Variants in ACBD6 observed in about 807,000 individuals in gnomAD.
ACBD6 encodes acyl-CoA binding domain containing 6.
In ACBD6, 28 loss-of-function variants were observed where a neutral mutation model predicts 37.2. That is an observed-to-expected ratio of 0.75 (90% CI 0.56 to 1.03). The LOEUF is 1.03. ACBD6 is among the 50% of genes least tolerant of loss of function. ACBD6 has a pLI of 0.00. For missense variants in ACBD6, 340 were observed against 337.4 expected, an observed-to-expected ratio of 1.01 and a Z score of -0.06; for synonymous variants, 113 against 126.8, an observed-to-expected ratio of 0.89 and a Z score of 0.73.
Position 180,490,446 on chromosome 1 carries a change from C to T in ACBD6, c.384+1823G>A, listed in dbSNP as rs181600510. Among the ~76,000 whole-genome samples, 291 of 150,022 alleles carry T rather than the reference C, an allele frequency of 1.9e-3. 2 individuals are homozygous for T. Among genetic ancestry groups the T allele is most frequent in the African/African-American group, 6.9e-3 (282 of 40,760 alleles). Reference sequence around the variant, plus strand: ...TCACATGAGATCAGGAGTTCAAGATCAGCCTGGCCAACATGGCAAAACCCT... The same window carrying T: ...TCACATGAGATCAGGAGTTCAAGATTAGCCTGGCCAACATGGCAAAACCCT... On this transcript the variant is annotated intron_variant, in intron 3 of 7. Transcript: ENST00000367595.
intron 1 of ACBD6, among the ~76,000 whole-genome samples, chr1:180,499,982 T>C (rs1015473373): frequency 3.3e-5 from 5 of 152,022 alleles, no homozygotes; most frequent in African/African-American, 1.2e-4. Flanking sequence ...GCATGCGGGA[T>C]CATGTCTGTA....
At chr1:180,421,760 C>A (rs1243804282) in intron 4 of ACBD6, among the ~76,000 whole-genome samples, 1 of 152,020 alleles carries the variant, frequency 6.6e-6, no homozygotes, top group South Asian at 2.1e-4. Flanking sequence ...ATTTCTCCAA[C>A]GATCAGTGAT....
chr1:180,395,759 T>TA (rs1654238092), intron 6 of ACBD6, among the ~76,000 whole-genome samples: 2 of 152,108 alleles, frequency 1.3e-5, no homozygotes, highest in African/African-American at 4.8e-5. Context: ...CTCAAAAAAT[T>TA]AAACGTAGAA....
At chr1:180,431,595 A>G (rs1018479657) in intron 3 of ACBD6, among the ~76,000 whole-genome samples, 7 of 152,218 alleles carry the variant, frequency 4.6e-5, no homozygotes, top group Non-Finnish European at 8.8e-5. Context: ...TAATAGATTT[A>G]CCAGTATGTA....
Position 180,492,485 on chromosome 1 carries a change from C to T in ACBD6, c.288-120G>A. ...GGTCTCTGAATATAGAGATAATAAG[C>T]TATGGATAGAGAAGCTCTGTCTTTT... On this transcript the variant is annotated intron_variant, in intron 2 of 7. Transcript: ENST00000367595. The T allele has an allele frequency of 7.6e-6, 6 of 789,262 alleles. No homozygotes were observed. The Admixed American group carries it at 8.2e-5, about 11-fold the overall frequency. The allele number at this position is 789,262 out of a possible 1,614,324, so 48.9% of individuals were successfully genotyped here.
chr1:180,384,324 C>T (rs1288731600), intron 6 of ACBD6, among the ~76,000 whole-genome samples: 1 of 151,726 alleles, frequency 6.6e-6, no homozygotes, highest in African/African-American at 2.4e-5. Context: ...AATAATAATC[C>T]TATTAAAAAA....
intron 6 of ACBD6, among the ~76,000 whole-genome samples, chr1:180,391,237 C>A (rs1430125224): frequency 6.6e-6 from 1 of 152,040 alleles, no homozygotes; most frequent in African/African-American, 2.4e-5. Flanking sequence ...AAGAAAAAGG[C>A]TTAATCATCA....
intron 6 of ACBD6, among the ~76,000 whole-genome samples, chr1:180,325,619 T>C (rs1438995865): frequency 1.3e-5 from 2 of 152,132 alleles, no homozygotes; most frequent in Non-Finnish European, 2.9e-5. Context: ...ATCTCGATGA[T>C]TGTGGATAGT....
chr1:180,277,003 G>A (rs1051224858), intron 9 of ACBD6: 1 of 152,170 alleles, frequency 6.6e-6, no homozygotes, highest in Non-Finnish European at 1.5e-5. Context: ...GTGAGCAGTT[G>A]ACGAGGTCAA....
intron 6 of ACBD6, among the ~76,000 whole-genome samples, chr1:180,377,142 A>G (rs1653467462): frequency 6.6e-6 from 1 of 152,220 alleles, no homozygotes; most frequent in Admixed American, 6.5e-5. Context: ...ACTGCAAATA[A>G]TAAGAGCTGA....
chr1:180,426,779 T>G (rs957210954), intron 4 of ACBD6, among the ~76,000 whole-genome samples: 1 of 152,228 alleles, frequency 6.6e-6, no homozygotes. Context: ...AGGATGTCTA[T>G]GTATTCACAT....
chr1:180,398,992 C>G (rs959913388), intron 5 of ACBD6, among the ~76,000 whole-genome samples: 2 of 152,130 alleles, frequency 1.3e-5, no homozygotes, highest in Admixed American at 1.3e-4. Flanking sequence ...CTTCACATAC[C>G]TATTATTTCA....
intron 6 of ACBD6, among the ~76,000 whole-genome samples, chr1:180,323,454 T>C (rs905628473): frequency 3.3e-5 from 5 of 152,082 alleles, no homozygotes; most frequent in Non-Finnish European, 7.4e-5. Flanking sequence ...TGATGTTTCT[T>C]TGATTTTCTG....
intron 7 of ACBD6, among the ~76,000 whole-genome samples, chr1:180,304,705 C>A (rs1200468475): frequency 6.6e-6 from 1 of 150,710 alleles, no homozygotes; most frequent in African/African-American, 2.4e-5. Context: ...TCAATGCCAT[C>A]CCCATCAAGC....
At chr1:180,318,661 C>A (rs114268987) in intron 6 of ACBD6, among the ~76,000 whole-genome samples, 2,301 of 152,240 alleles carry the variant, frequency 0.015, 22 homozygotes, top group Non-Finnish European at 0.021. Flanking sequence ...AGCAAACCCA[C>A]CTTCACCGCC....
chr1:180,293,000 T>C (rs992919192), intron 7 of ACBD6, among the ~76,000 whole-genome samples: 1 of 152,230 alleles, frequency 6.6e-6, no homozygotes, highest in African/African-American at 2.4e-5. Flanking sequence ...ATTTTGCTTT[T>C]TTGATCTGTT....
chr1:180,347,363 T>TG (rs1652226434), intron 6 of ACBD6, among the ~76,000 whole-genome samples: 1 of 134,402 alleles, frequency 7.4e-6, no homozygotes, highest in African/African-American at 3.4e-5. Context: ...ACAGAAAGTT[T>TG]TTTTTTTTTT....
chr1:180,430,508 C>G (rs1173486546), intron 3 of ACBD6, among the ~76,000 whole-genome samples: 1 of 151,486 alleles, frequency 6.6e-6, no homozygotes, highest in Non-Finnish European at 1.5e-5. Context: ...CTGGAGCCAC[C>G]AAAAAACAAT....
At chr1:180,458,170 T>C (rs1374016466) in intron 3 of ACBD6, among the ~76,000 whole-genome samples, 1 of 152,168 alleles carries the variant, frequency 6.6e-6, no homozygotes, top group African/African-American at 2.4e-5. Context: ...AAAATAGTCC[T>C]TCAATAAATA....
Sources: allele counts gnomAD v4.1 joint callset (sites outside exome capture counted in the v4.1 genomes callset), GRCh38; gene constraint gnomAD v4.1.1; transcripts MANE v1.5; gene names NCBI Gene and HGNC (gene_info 2026-07-23, HGNC 2026-07-21).